Variants in CMTR1 observed in about 807,000 individuals in gnomAD.
CMTR1 encodes the protein cap-specific mRNA (nucleoside-2'-O-)-methyltransferase 1.
CMTR1 carries 39 observed loss-of-function variants against 107.0 expected under a neutral mutation model. That is an observed-to-expected ratio of 0.36 (90% CI 0.28 to 0.48). CMTR1 has a LOEUF of 0.48. Among genes scored for constraint, CMTR1 ranks in the 20% least tolerant of loss-of-function variants. The pLI, the probability that CMTR1 is intolerant of heterozygous loss-of-function variation, is 0.99. For synonymous variants in CMTR1, 366 were observed against 379.5 expected, an observed-to-expected ratio of 0.96 and a Z score of 0.41; for missense variants, 672 against 1,064.9, an observed-to-expected ratio of 0.63 and a Z score of 5.14.
At chr6:37,453,379 T>C (rs1367917741) in intron 8 of CMTR1, 67 bp downstream of exon 8, 13 of 1,399,650 alleles carry the variant, frequency 9.3e-6, no homozygotes, top group South Asian at 2.3e-5. Context: ...GGCTCAGCCA[T>C]TGCCATTTGT....
chr6:37,464,892 C>CTGTGTGTGTGTGTGTGTGTGTGTGTGTG (rs61375488), intron 13 of CMTR1, among the ~76,000 whole-genome samples: 3 of 148,246 alleles, frequency 2.0e-5, no homozygotes, highest in Admixed American at 1.3e-4. Flanking sequence ...TTCTAAAACG[C>CTGTGTGTGTGTGTGTGTGTGTGTGTGTG]TGTGTGTGTG....
Position 37,480,695 on chromosome 6 carries a change from C to T in CMTR1, c.*550C>T. The T allele has an allele frequency of 9.8e-7, 1 of 1,018,630 alleles. No individual in the cohort carries two copies. The highest frequency in any genetic ancestry group is 1.2e-6 in the Non-Finnish European group (1 of 851,846). 63.1% of individuals were successfully genotyped at this position (1,018,630 alleles called of 1,614,324 possible). A position where few individuals can be genotyped will look rare whatever the true frequency, so the allele number is the denominator to read the frequency against. On this transcript the variant is annotated 3_prime_UTR_variant, in exon 24 of 24. Transcript: ENST00000373451. ...TTGATGCCAAATTGGAGACCATTTT[C>T]TTGTCTCCTTCCCCCACTCATCCTG... is the stretch of plus-strand genomic sequence containing the variant.
At chr6:37,437,387 C>T (rs1323030147) in intron 2 of CMTR1, among the ~76,000 whole-genome samples, 3 of 151,530 alleles carry the variant, frequency 2.0e-5, no homozygotes, top group African/African-American at 4.9e-5. Flanking sequence ...AGTAGCCGGG[C>T]GTGGTGGCAG....
intron 13 of CMTR1, 113 bp downstream of exon 13, chr6:37,463,121 C>A: frequency 8.7e-7 from 1 of 1,143,562 alleles, no homozygotes; most frequent in Non-Finnish European, 1.3e-6. Context: ...GACAAATTGG[C>A]AACTGGGTTT....
chr6:37,446,587 C>T (rs1282084929), intron 4 of CMTR1, 138 bp downstream of exon 4: 23 of 966,422 alleles, frequency 2.4e-5, no homozygotes, highest in Middle Eastern at 6.2e-4. Context: ...GTGGAAAGTA[C>T]TGGGGATATC....
chr6:37,463,294 T>A (rs1761438888), intron 13 of CMTR1, among the ~76,000 whole-genome samples: 1 of 152,190 alleles, frequency 6.6e-6, no homozygotes, highest in South Asian at 2.1e-4. Flanking sequence ...GAGCAGCCTG[T>A]GTCCCTGGAG....
intron 18 of CMTR1, among the ~76,000 whole-genome samples, chr6:37,474,957 C>T (rs578142403): frequency 3.1e-4 from 47 of 152,140 alleles, no homozygotes; most frequent in Non-Finnish European, 6.2e-4. Context: ...CCTTGGGAAA[C>T]AAGAGACTTG....
In CMTR1 at chr6:37,472,273, C is replaced by T. The variant is rs1340497135; in HGVS notation, c.1621-146C>T. 2 of 722,508 alleles carry T rather than the reference C, an allele frequency of 2.8e-6. No individual in the cohort carries two copies. Among genetic ancestry groups the T allele is most frequent in the East Asian group, 5.3e-5 (2 of 37,764 alleles). 44.8% of individuals were successfully genotyped at this position (722,508 alleles called of 1,614,324 possible). On this transcript the variant is annotated intron_variant, in intron 15 of 23. Transcript: ENST00000373451. This position sits in a 1 kb window ranked among gnomAD's most constrained non-coding sequence, Gnocchi z 4.1. The stretch of plus-strand genomic sequence containing the variant: ...AAGGGAGCAGTGAGTGAATTATCCA[C>T]CTCCATCCCTGTCAGCCTAGCCTCC...
chr6:37,480,160 G>A lies in CMTR1; in HGVS notation c.*15G>A. The A allele has an allele frequency of 6.3e-7, 1 of 1,597,044 alleles. No homozygotes were observed. Among genetic ancestry groups the A allele is most frequent in the Non-Finnish European group, 8.5e-7 (1 of 1,172,414 alleles). Reference sequence around the variant, plus strand: ...ACAGGGCCTAAGAGCCTCAGAATGTGCCACCCCTGCAGAATGCCCTGTCAT... The same window carrying A: ...ACAGGGCCTAAGAGCCTCAGAATGTACCACCCCTGCAGAATGCCCTGTCAT... On this transcript the variant is annotated 3_prime_UTR_variant, in exon 24 of 24. Transcript: ENST00000373451.
chr6:37,425,215 A>G, the CMTR1 span, among the ~76,000 whole-genome samples: 11 of 147,716 alleles, frequency 7.4e-5, no homozygotes, highest in South Asian at 1.9e-3. Context: ...GTGCTGGGAA[A>G]TTTTTCCCTC....
intron 2 of CMTR1, 28 bp from the exon 3 acceptor site, chr6:37,443,971 C>T: frequency 6.2e-7 from 1 of 1,611,104 alleles, no homozygotes; most frequent in Non-Finnish European, 8.5e-7. Context: ...CATAAACCTA[C>T]CTAAACATTT....
rs184268416 is a variant in CMTR1, at chr6:37,462,120, A to G, written c.1325+18A>G. ...TCAGAGAGGTGAAGCCTTTCTCTCT[A>G]TATTAGCCAGATTAATTGGCTAAAT... On this transcript the variant is annotated intron_variant, in intron 12 of 23. Coordinates refer to ENST00000373451, the MANE Select transcript of CMTR1 (RefSeq NM_015050.3). 2.9e-5 allele frequency: 47 copies of G among 1,614,042 alleles called. No individual in the cohort carries two copies. The Middle Eastern group carries it at 5.0e-4, about 17-fold the overall frequency.
intron 8 of CMTR1, among the ~76,000 whole-genome samples, chr6:37,456,309 A>T (rs1002751958): frequency 1.3e-5 from 2 of 152,252 alleles, no homozygotes; most frequent in African/African-American, 4.8e-5. Context: ...AAATGAATAT[A>T]ATCCAAAAAG....
chr6:37,479,092 C>T (rs1376832604), intron 22 of CMTR1, 55 bp from the exon 23 acceptor site: 9 of 1,278,918 alleles, frequency 7.0e-6, no homozygotes, highest in East Asian at 4.6e-5. Context: ...ACACGCCTGT[C>T]CTCCACAAGT....
At chr6:37,456,584 C>T (rs1042075693) in intron 8 of CMTR1, among the ~76,000 whole-genome samples, 4 of 152,202 alleles carry the variant, frequency 2.6e-5, no homozygotes, top group Middle Eastern at 3.2e-3. Context: ...ACTGTTTCCC[C>T]TAAAGCTTTC....
At chr6:37,446,589 G>C in intron 4 of CMTR1, 140 bp downstream of exon 4, 1 of 962,750 alleles carries the variant, frequency 1.0e-6, no homozygotes, top group Non-Finnish European at 1.5e-6. Flanking sequence ...GGAAAGTACT[G>C]GGGATATCCA....
At chr6:37,476,754 G>A (rs1285492261) in intron 20 of CMTR1, among the ~76,000 whole-genome samples, 1 of 152,228 alleles carries the variant, frequency 6.6e-6, no homozygotes, top group African/African-American at 2.4e-5. Flanking sequence ...TGAGGTTATT[G>A]CCAAAGGGCA....
intron 2 of CMTR1, among the ~76,000 whole-genome samples, chr6:37,438,085 G>GA (rs1771580478): frequency 6.6e-6 from 1 of 152,194 alleles, no homozygotes; most frequent in Non-Finnish European, 1.5e-5. Context: ...TGTGTGTGTA[G>GA]AATGGAAATC....
chr6:37,426,239 T>C, the CMTR1 span, among the ~76,000 whole-genome samples: 1 of 152,200 alleles, frequency 6.6e-6, no homozygotes, highest in Non-Finnish European at 1.5e-5. Context: ...TAAGACTTTT[T>C]TTTAAGTCTT....
Sources: gnomAD v4.1 joint callset for allele counts (sites outside exome capture counted in the v4.1 genomes callset) on GRCh38, gnomAD v4.1.1 for gene constraint, Gnocchi (gnomAD v3.1) non-coding constraint, MANE v1.5 for transcripts, NCBI Gene and HGNC (gene_info 2026-07-23, HGNC 2026-07-21) for gene names.